The following PITPNC1 variants were observed in gnomAD, a reference collection of about 807,000 sequenced individuals.
The protein encoded by PITPNC1 is cytoplasmic phosphatidylinositol transfer protein 1.
A neutral mutation model predicts 44.7 loss-of-function variants in PITPNC1; 18 were observed. The ratio of observed to expected loss-of-function variants is 0.40; its 90% confidence interval spans 0.28 to 0.60. PITPNC1 has a LOEUF of 0.60. Ranked by LOEUF, PITPNC1 falls within the 20% of genes least tolerant of loss-of-function variation. The probability of loss-of-function intolerance (pLI) is 0.39; values close to 1 mark genes in which losing one functional copy is unlikely to be tolerated. For synonymous variants in PITPNC1, 141 were observed against 149.6 expected, an observed-to-expected ratio of 0.94 and a Z score of 0.42; for missense variants, 290 against 418.4, an observed-to-expected ratio of 0.69 and a Z score of 2.68.
At position 67,676,181 on chromosome 17, in the gene PITPNC1, T is replaced by C. The variant is rs569038135; in HGVS notation, c.682+639T>C. Among the ~76,000 whole-genome samples the C allele has an allele frequency of 1.4e-5, 2 of 145,330 alleles. No homozygotes were observed. Among genetic ancestry groups the C allele is most frequent in the African/African-American group, 5.1e-5 (2 of 38,988 alleles). On this transcript the variant is annotated intron_variant, in intron 8 of 8. Transcript: ENST00000581322. The surrounding 1 kb of genome is among the most constrained non-coding windows in gnomAD (Gnocchi z 4.0). ...GAGATCGCACCACTGCACTCCAGCC[T>C]GGGGGACAGAGCGAGACTCCGTCTC...
intron 4 of PITPNC1, among the ~76,000 whole-genome samples, chr17:67,554,713 A>G (rs2916134): frequency 0.051 from 7,827 of 152,272 alleles, 647 homozygotes; most frequent in African/African-American, 0.18. Flanking sequence ...TGCTCAATCA[A>G]TAGTTATTGA....
At chr17:67,621,193 T>TTTATTTTATTTTA (rs2041824872) in intron 5 of PITPNC1, among the ~76,000 whole-genome samples, 1 of 136,062 alleles carries the variant, frequency 7.3e-6, no homozygotes, top group Non-Finnish European at 1.5e-5. Flanking sequence ...TTTATTTTAT[T>TTTATTTTATTTTA]TTATTTTATT....
At chr17:67,448,596 T>G (rs1273358522) in intron 1 of PITPNC1, among the ~76,000 whole-genome samples, 3 of 152,150 alleles carry the variant, frequency 2.0e-5, no homozygotes, top group South Asian at 4.1e-4. Context: ...ACTGGACCAT[T>G]CTCTAGAACC....
chr17:67,691,069 C>T (rs755557354), intron 8 of PITPNC1, among the ~76,000 whole-genome samples: 2 of 151,604 alleles, frequency 1.3e-5, no homozygotes, highest in Non-Finnish European at 2.9e-5. Context: ...CGCCATTGCA[C>T]TCCGGCCTGT....
chr17:67,493,739 G>T (rs372368701), intron 1 of PITPNC1, among the ~76,000 whole-genome samples: 3 of 152,188 alleles, frequency 2.0e-5, no homozygotes, highest in African/African-American at 4.8e-5. Context: ...CCCTCCAGAC[G>T]TGAGATGGGT....
At chr17:67,625,805 T>TTAA (rs2041888661) in intron 5 of PITPNC1, among the ~76,000 whole-genome samples, 2 of 152,052 alleles carry the variant, frequency 1.3e-5, no homozygotes, top group African/African-American at 4.8e-5. Flanking sequence ...GAAAGGAATG[T>TTAA]TAATGGTCAC....
chr17:67,662,826 T>C (rs2042368088), intron 6 of PITPNC1, among the ~76,000 whole-genome samples: 1 of 152,210 alleles, frequency 6.6e-6, no homozygotes, highest in Non-Finnish European at 1.5e-5. Context: ...AGAATAGTTA[T>C]ATGGGAATAT....
At chr17:67,505,976 G>A (rs1354713396) in intron 1 of PITPNC1, among the ~76,000 whole-genome samples, 2 of 152,184 alleles carry the variant, frequency 1.3e-5, no homozygotes, top group African/African-American at 2.4e-5. Context: ...AGCCTTGTGA[G>A]ACGTGCCTTT....
At chr17:67,390,721 G>A (rs62084077) in intron 1 of PITPNC1, among the ~76,000 whole-genome samples, 49,949 of 152,030 alleles carry the variant, frequency 0.33, 10,251 homozygotes, top group African/African-American at 0.58. Flanking sequence ...CCCAGGTGGC[G>A]TATTGCTAGA....
chr17:67,574,863 G>T (rs902144529), intron 4 of PITPNC1, among the ~76,000 whole-genome samples: 3 of 152,024 alleles, frequency 2.0e-5, no homozygotes, highest in Non-Finnish European at 2.9e-5. Context: ...CTGTTCTCTG[G>T]CCACCCTGCT....
chr17:67,643,141 T>C (rs1250017766), intron 6 of PITPNC1, among the ~76,000 whole-genome samples: 1 of 152,212 alleles, frequency 6.6e-6, no homozygotes, highest in Non-Finnish European at 1.5e-5. Flanking sequence ...GGCTCACGCC[T>C]GTAATCCCAG....
At chr17:67,514,853 A>T (rs1397967946) in intron 1 of PITPNC1, among the ~76,000 whole-genome samples, 2 of 152,118 alleles carry the variant, frequency 1.3e-5, no homozygotes, top group Non-Finnish European at 2.9e-5. Context: ...GTCAAGGGAG[A>T]TGCCCCAGTC....
rs1410653643 is a variant in PITPNC1, at chr17:67,552,813, A to G, written c.286+468A>G. On this transcript the variant is annotated intron_variant, in intron 3 of 8. Transcript: ENST00000581322. ...ACACAGCGAGACTCCGTCAAAAAAAAAAAAAAAAAAAGCTTATGGAGAAGG... is the reference window on the plus strand; with the variant it reads ...ACACAGCGAGACTCCGTCAAAAAAAGAAAAAAAAAAAGCTTATGGAGAAGG... Among the ~76,000 whole-genome samples the G allele has an allele frequency of 3.9e-5, 6 of 152,186 alleles. 1 individual carries two copies. The East Asian group carries it at 1.2e-3, about 29-fold the overall frequency.
At chr17:67,509,756 G>A (rs1256621736) in intron 1 of PITPNC1, among the ~76,000 whole-genome samples, 1 of 152,052 alleles carries the variant, frequency 6.6e-6, no homozygotes, top group East Asian at 1.9e-4. Context: ...ACATACTTGG[G>A]GGTGGGGAGG....
chr17:67,410,264 C>A (rs943917676), intron 1 of PITPNC1, among the ~76,000 whole-genome samples: 1 of 152,148 alleles, frequency 6.6e-6, no homozygotes, highest in African/African-American at 2.4e-5. Context: ...ACGTAGTATG[C>A]AATTAGTATC....
intron 1 of PITPNC1, among the ~76,000 whole-genome samples, chr17:67,492,801 T>C (rs1033726115): frequency 3.3e-5 from 5 of 152,206 alleles, no homozygotes; most frequent in African/African-American, 9.6e-5. Context: ...CCCTCCACGC[T>C]TTGTGAGATG....
intron 1 of PITPNC1, among the ~76,000 whole-genome samples, chr17:67,521,821 G>A (rs895060659): frequency 9.9e-5 from 15 of 152,220 alleles, no homozygotes; most frequent in Non-Finnish European, 2.1e-4. Flanking sequence ...GACTGTGAAT[G>A]TGATGTTCAT....
At chr17:67,633,691 T>C (rs2041997578) in intron 6 of PITPNC1, among the ~76,000 whole-genome samples, 1 of 152,258 alleles carries the variant, frequency 6.6e-6, no homozygotes, top group African/African-American at 2.4e-5. Flanking sequence ...CTTCCCCTTG[T>C]CTCACTCCAC....
At chr17:67,517,391 T>C (rs746191471) in intron 1 of PITPNC1, among the ~76,000 whole-genome samples, 54 of 152,334 alleles carry the variant, frequency 3.5e-4, no homozygotes, top group Middle Eastern at 3.4e-3. Flanking sequence ...TCAAACATGT[T>C]GTTACCATGT....
Sources: allele counts gnomAD v4.1 joint callset (sites outside exome capture counted in the v4.1 genomes callset), GRCh38; gene constraint gnomAD v4.1.1; non-coding constraint Gnocchi (gnomAD v3.1); transcripts MANE v1.5; gene names NCBI Gene and HGNC (gene_info 2026-07-23, HGNC 2026-07-21).